Variants in ULK4 observed in about 807,000 individuals in gnomAD.
ULK4 encodes inactive serine/threonine-protein kinase ULK4.
A neutral mutation model predicts 160.6 loss-of-function variants in ULK4; 133 were observed. The observed-to-expected ratio is 0.83, with a 90% CI of 0.72 to 0.96. The LOEUF (loss-of-function observed/expected upper bound fraction) is 0.96, where lower values mean the gene tolerates loss of function less well. Ranked by LOEUF, ULK4 falls within the 40% of genes least tolerant of loss-of-function variation. ULK4 has a pLI of 0.00. For synonymous variants in ULK4, 534 were observed against 539.8 expected (o/e 0.99, Z 0.15); for missense variants, 1,580 against 1,499.5 (o/e 1.05, Z -0.89).
intron 29 of ULK4, among the ~76,000 whole-genome samples, chr3:41,678,501 T>G (rs1391383137): frequency 6.6e-6 from 1 of 151,746 alleles, no homozygotes; most frequent in Middle Eastern, 3.2e-3. Flanking sequence ...CAAAGCAGAG[T>G]AGATGTAGGC....
At chr3:41,732,259 T>C (rs973380445) in intron 22 of ULK4, among the ~76,000 whole-genome samples, 2 of 151,678 alleles carry the variant, frequency 1.3e-5, no homozygotes, top group African/African-American at 2.4e-5. Flanking sequence ...ATATAAAGAA[T>C]TCAACTCAAT....
intron 35 of ULK4, among the ~76,000 whole-genome samples, chr3:41,324,563 T>C (rs906169257): frequency 6.6e-6 from 1 of 152,150 alleles, no homozygotes; most frequent in Non-Finnish European, 1.5e-5. Context: ...CACTGCCAAT[T>C]AGAGAAGCAG....
chr3:41,684,070 G>A (rs1277551209), intron 27 of ULK4, among the ~76,000 whole-genome samples: 1 of 152,192 alleles, frequency 6.6e-6, no homozygotes, highest in Non-Finnish European at 1.5e-5. Context: ...GCAAAGAGAA[G>A]AGGATTTACC....
At chr3:41,931,789 A>G in intron 5 of ULK4, 55 bp downstream of exon 5, 1 of 1,591,566 alleles carries the variant, frequency 6.3e-7, no homozygotes, top group Non-Finnish European at 8.6e-7. Flanking sequence ...TAAACACAGG[A>G]CTTGGATGGT....
At chr3:41,937,420 T>C (rs1699811858) in intron 3 of ULK4, 4 of 651,308 alleles carry the variant, frequency 6.1e-6, no homozygotes, top group South Asian at 1.7e-5. Context: ...TAAGTATCAA[T>C]ATAAGTTAGA....
intron 16 of ULK4, among the ~76,000 whole-genome samples, chr3:41,884,266 T>G (rs76253575): frequency 6.6e-6 from 1 of 152,178 alleles, no homozygotes; most frequent in Non-Finnish European, 1.5e-5. Context: ...AGCAAAACAG[T>G]AATTAATCCT....
At chr3:41,588,146 C>G (rs1267680540) in intron 31 of ULK4, among the ~76,000 whole-genome samples, 2 of 152,014 alleles carry the variant, frequency 1.3e-5, no homozygotes, top group African/African-American at 2.4e-5. Context: ...ACAAAAGAAG[C>G]AGGTGGTGAG....
intron 21 of ULK4, among the ~76,000 whole-genome samples, chr3:41,762,026 G>T (rs1255685706): frequency 6.6e-6 from 1 of 152,128 alleles, no homozygotes; most frequent in Non-Finnish European, 1.5e-5. Context: ...CGAGGCTACA[G>T]TGAGCTATGA....
intron 35 of ULK4, among the ~76,000 whole-genome samples, chr3:41,308,858 C>T (rs1169582945): frequency 1.3e-5 from 2 of 151,984 alleles, no homozygotes; most frequent in African/African-American, 4.8e-5. Context: ...ATAAGGGATA[C>T]GCAACCTGTA....
At chr3:41,381,975 T>C (rs1447658422) in intron 35 of ULK4, among the ~76,000 whole-genome samples, 1 of 152,144 alleles carries the variant, frequency 6.6e-6, no homozygotes. Context: ...TATACCTGCC[T>C]TGTGGCCTTA....
chr3:41,898,411 A>G (rs745428025), intron 14 of ULK4, 21 bp downstream of exon 14: 14 of 1,503,684 alleles, frequency 9.3e-6, no homozygotes, highest in Non-Finnish European at 1.3e-5. Flanking sequence ...TACATGTTCG[A>G]TAAGTCCTTT....
At chr3:41,956,011 T>C (rs778484689) in intron 1 of ULK4, among the ~76,000 whole-genome samples, 5 of 152,140 alleles carry the variant, frequency 3.3e-5, no homozygotes, top group Non-Finnish European at 7.3e-5. Context: ...TCACACTGAC[T>C]TCCTGTAACT....
At chr3:41,375,678 T>C (rs1459801923) in intron 35 of ULK4, among the ~76,000 whole-genome samples, 2 of 150,340 alleles carry the variant, frequency 1.3e-5, no homozygotes, top group Admixed American at 6.6e-5. Context: ...ATAAAAACCC[T>C]GGAAGAAATC....
At chr3:41,564,231 T>C (rs950937674) in intron 32 of ULK4, among the ~76,000 whole-genome samples, 4 of 152,080 alleles carry the variant, frequency 2.6e-5, no homozygotes, top group African/African-American at 9.7e-5. Context: ...GCAAATATTT[T>C]TGGCAGATCC....
intron 19 of ULK4, among the ~76,000 whole-genome samples, chr3:41,801,005 A>C (rs1338016431): frequency 6.6e-6 from 1 of 152,216 alleles, no homozygotes; most frequent in South Asian, 2.1e-4. Context: ...GCAAGCAAAG[A>C]AGCCAAAAAA....
intron 30 of ULK4, among the ~76,000 whole-genome samples, chr3:41,623,617 C>G (rs1422772661): frequency 6.6e-6 from 1 of 152,100 alleles, no homozygotes; most frequent in Non-Finnish European, 1.5e-5. Flanking sequence ...AAAACAAATA[C>G]TACATGATTT....
Position 41,481,821 on chromosome 3 carries a change from C to T in ULK4, c.3227-18568G>A, listed in dbSNP as rs1198692295. Among the ~76,000 whole-genome samples the T allele has an allele frequency of 8.9e-5, 11 of 123,506 alleles. 1 individual carries two copies. Among genetic ancestry groups the T allele is most frequent in the African/African-American group, 2.5e-4 (7 of 28,456 alleles). The allele number at this position is 123,506 out of a possible 152,430, so 81.0% of individuals were successfully genotyped here. On this transcript the variant is annotated intron_variant, in intron 32 of 36. Coordinates refer to ENST00000301831, the MANE Select transcript of ULK4 (RefSeq NM_017886.4). ...CAGCCTGGGCGACAGAGCGAGACTC[C>T]GTCTCAAAAAAAAAAAAAAAAAAAA...
At chr3:41,568,473 A>G (rs2087859754) in intron 31 of ULK4, among the ~76,000 whole-genome samples, 2 of 152,096 alleles carry the variant, frequency 1.3e-5, no homozygotes, top group Admixed American at 6.5e-5. Flanking sequence ...TATAAGTGAC[A>G]CCCTCTTCTG....
chr3:41,445,951 G>C (rs2083286953), intron 34 of ULK4, among the ~76,000 whole-genome samples: 1 of 151,672 alleles, frequency 6.6e-6, no homozygotes, highest in South Asian at 2.1e-4. Flanking sequence ...TACAAAATGG[G>C]AGAAAATTTT....
Sources: allele counts gnomAD v4.1 joint callset (sites outside exome capture counted in the v4.1 genomes callset), GRCh38; gene constraint gnomAD v4.1.1; transcripts MANE v1.5; gene names NCBI Gene and HGNC (gene_info 2026-07-23, HGNC 2026-07-21).